The following DPYSL2 variants were observed in gnomAD, a reference collection of about 807,000 sequenced individuals.
DPYSL2 encodes the protein dihydropyrimidinase-related protein 2.
Under a neutral mutation model 69.9 loss-of-function variants are expected in DPYSL2, and 13 were observed. The ratio of observed to expected loss-of-function variants is 0.19; its 90% CI spans 0.12 to 0.30. The LOEUF is 0.30. DPYSL2 is among the 10% of genes least tolerant of loss of function. The probability of loss-of-function intolerance (pLI) is 1.00; values close to 1 mark genes in which losing one functional copy is unlikely to be tolerated. For synonymous variants in DPYSL2, 326 were observed against 359.1 expected, an observed-to-expected ratio of 0.91 and a Z score of 1.04; for missense variants, 587 against 918.9, an observed-to-expected ratio of 0.64 and a Z score of 4.67.
chr8:26,517,194 G>C lies in DPYSL2; in HGVS notation c.354+2515G>C, dbSNP rs1044432617. On this transcript the variant is annotated intron_variant, in intron 1 of 13. Transcript: ENST00000521913. The surrounding 1 kb of genome is among the most constrained non-coding windows in gnomAD (Gnocchi z 4.2). ...GCTTTGCTCATCTGTTGCACTAAGA[G>C]GCCTGCTGTTCCCCTAACAAGGCTT... Among the ~76,000 whole-genome samples, 1 of 151,546 alleles carries C rather than the reference G, an allele frequency of 6.6e-6. No homozygotes were observed. Among genetic ancestry groups the C allele is most frequent in the Non-Finnish European group, 1.5e-5 (1 of 67,786 alleles).
At chr8:26,553,829 A>T (rs1331553546) in intron 1 of DPYSL2, among the ~76,000 whole-genome samples, 10 of 150,794 alleles carry the variant, frequency 6.6e-5, no homozygotes, top group African/African-American at 2.4e-4. Context: ...AAACTAATTT[A>T]TACTCCCACC....
chr8:26,632,233 C>A (rs1019733963), intron 7 of DPYSL2, among the ~76,000 whole-genome samples: 11 of 152,176 alleles, frequency 7.2e-5, no homozygotes, highest in African/African-American at 2.7e-4. Flanking sequence ...GGCGACTGAG[C>A]CTGCGTGACA....
At position 26,596,112 on chromosome 8, in the gene DPYSL2, T is replaced by C. The variant is rs557193719; in HGVS notation, c.628+12129T>C. On this transcript the variant is annotated intron_variant, in intron 3 of 13. Transcript: ENST00000521913. ...ACTGTCCCTGAGGCCTTGACAGATA[T>C]TTTGGAGCTAACTCTGAGCCCAGTG... is the stretch of plus-strand genomic sequence containing the variant. 3.9e-5 allele frequency among the ~76,000 whole-genome samples: 6 copies of C among 152,144 alleles called. No homozygotes were observed. In the South Asian group the frequency reaches 1.2e-3, roughly 32 times the overall value.
At chr8:26,623,425 C>T (rs937892019) in intron 3 of DPYSL2, among the ~76,000 whole-genome samples, 5 of 152,122 alleles carry the variant, frequency 3.3e-5, no homozygotes, top group South Asian at 4.2e-4. Flanking sequence ...GTAATATCCC[C>T]GTTTTAAAGC....
chr8:26,535,289 C>G (rs1800572633), intron 1 of DPYSL2, among the ~76,000 whole-genome samples: 1 of 152,164 alleles, frequency 6.6e-6, no homozygotes, highest in South Asian at 2.1e-4. Flanking sequence ...GATCACCTCT[C>G]AAAGGCCCTA....
chr8:26,630,016 C>T (rs1258363724), intron 7 of DPYSL2, among the ~76,000 whole-genome samples: 5 of 152,228 alleles, frequency 3.3e-5, no homozygotes, highest in South Asian at 2.1e-4. Flanking sequence ...CAGACATGCA[C>T]GTGTACACAC....
chr8:26,616,784 G>T (rs551885864), intron 3 of DPYSL2, among the ~76,000 whole-genome samples: 6 of 151,086 alleles, frequency 4.0e-5, no homozygotes, highest in African/African-American at 1.5e-4. Context: ...GGATTGGAGG[G>T]CTTGGTGACC....
chr8:26,556,144 G>GTATATATAGTATA (rs1221324917), intron 1 of DPYSL2, among the ~76,000 whole-genome samples: 28 of 2,576 alleles, frequency 0.011, 1 homozygote, highest in Admixed American at 0.045. Context: ...ACTATATATA[G>GTATATATAGTATA]TATATACTAT....
chr8:26,613,432 G>A (rs1438976086), intron 3 of DPYSL2, among the ~76,000 whole-genome samples: 1 of 152,222 alleles, frequency 6.6e-6, no homozygotes, highest in African/African-American at 2.4e-5. Context: ...GGCAGCTCCA[G>A]GTGCCCACTC....
chr8:26,592,446 C>T (rs1727857146), intron 3 of DPYSL2, among the ~76,000 whole-genome samples: 2 of 150,990 alleles, frequency 1.3e-5, no homozygotes, highest in East Asian at 2.0e-4. Context: ...AGCCACTGTG[C>T]CTGTTTGGTA....
intron 1 of DPYSL2, among the ~76,000 whole-genome samples, chr8:26,524,801 CAAAAAAAAAAAAAAA>C (rs753822230): frequency 1.3e-3 from 55 of 41,108 alleles, no homozygotes; most frequent in African/African-American, 5.3e-3. Flanking sequence ...GACTCTGTCT[CAAAAAAAAAAAAAAA>C]AAAAAAAAAA....
At chr8:26,601,774 G>A (rs79295244) in intron 3 of DPYSL2, among the ~76,000 whole-genome samples, 1 of 152,204 alleles carries the variant, frequency 6.6e-6, no homozygotes, top group Non-Finnish European at 1.5e-5. Flanking sequence ...AGTGTACTCA[G>A]GCCCAGCTGA....
At chr8:26,581,030 A>G (rs3808564) in intron 1 of DPYSL2, among the ~76,000 whole-genome samples, 57,119 of 152,146 alleles carry the variant, frequency 0.38, 13,166 homozygotes, top group East Asian at 0.69. Context: ...TGCATCTTAG[A>G]ATTTGCTATC....
intron 3 of DPYSL2, among the ~76,000 whole-genome samples, chr8:26,596,039 A>G (rs1195001626): frequency 1.3e-5 from 2 of 152,140 alleles, no homozygotes; most frequent in African/African-American, 2.4e-5. Flanking sequence ...ATGAAAAAGC[A>G]GGTAGGATGG....
intron 3 of DPYSL2, among the ~76,000 whole-genome samples, chr8:26,589,799 G>A (rs994321854): frequency 2.0e-5 from 3 of 152,248 alleles, no homozygotes; most frequent in Non-Finnish European, 2.9e-5. Context: ...CCTCTTGCGA[G>A]AAAGCCTGCT....
chr8:26,604,421 T>A (rs1264985494), intron 3 of DPYSL2, among the ~76,000 whole-genome samples: 1 of 152,130 alleles, frequency 6.6e-6, no homozygotes, highest in Non-Finnish European at 1.5e-5. Flanking sequence ...TCCATCTGGA[T>A]GGGCCTGGAA....
At chr8:26,529,200 A>G (rs1288707545) in intron 1 of DPYSL2, among the ~76,000 whole-genome samples, 1 of 152,178 alleles carries the variant, frequency 6.6e-6, no homozygotes, top group Non-Finnish European at 1.5e-5. Flanking sequence ...TAAGATCGTT[A>G]TAAGATTCTG....
chr8:26,516,316 C>CACA lies in DPYSL2; in HGVS notation c.354+1637_354+1638insACA, dbSNP rs1337083340. Among the ~76,000 whole-genome samples, 1 of 152,204 alleles carries CACA rather than the reference C, an allele frequency of 6.6e-6. No homozygotes were observed. Among genetic ancestry groups the CACA allele is most frequent in the Non-Finnish European group, 1.5e-5 (1 of 68,042 alleles). Reference sequence around the variant, plus strand: ...AAGCTGAGTGAGTGTGTGTGAAACACTTCCCTGTGTGAGTACATTGAGTGA... The same window carrying CACA: ...AAGCTGAGTGAGTGTGTGTGAAACACACATTCCCTGTGTGAGTACATTGAGTGA... On this transcript the variant is annotated intron_variant, in intron 1 of 13. Transcript: ENST00000521913. This position sits in a 1 kb window ranked among gnomAD's most constrained non-coding sequence, Gnocchi z 4.8.
At chr8:26,521,281 C>T (rs183463347) in intron 1 of DPYSL2, among the ~76,000 whole-genome samples, 93 of 152,290 alleles carry the variant, frequency 6.1e-4, no homozygotes, top group Admixed American at 1.3e-3. Flanking sequence ...TGCATGGGCT[C>T]TGATTCTGAG....
Sources: allele counts gnomAD v4.1 joint callset (sites outside exome capture counted in the v4.1 genomes callset), GRCh38; gene constraint gnomAD v4.1.1; non-coding constraint Gnocchi (gnomAD v3.1); transcripts MANE v1.5; gene names NCBI Gene and HGNC (gene_info 2026-07-23, HGNC 2026-07-21).